TBXT: variants seen among roughly 807,000 people sequenced by gnomAD.
TBXT encodes T brachyury transcription factor.
TBXT carries 19 observed loss-of-function variants against 41.1 expected under a neutral mutation model. The ratio of observed to expected loss-of-function variants is 0.46; its 90% CI spans 0.32 to 0.68. The LOEUF is 0.68. TBXT is among the 30% of genes least tolerant of loss of function. TBXT has a pLI of 0.03. For missense variants in TBXT, 536 were observed against 582.0 expected (o/e 0.92, Z 0.81); for synonymous variants, 213 against 238.9 (o/e 0.89, Z 1.00).
chr6:166,166,402 C>T (rs1012179412), intron 2 of TBXT, among the ~76,000 whole-genome samples, 190 bp downstream of exon 2: 3 of 152,228 alleles, frequency 2.0e-5, no homozygotes, highest in African/African-American at 7.2e-5. Context: ...GCTCCCCGTT[C>T]GCCAGGCGTG....
chr6:166,166,909 G>A (rs924787585), intron 1 of TBXT, 53 bp from the exon 2 acceptor site: 7 of 1,610,676 alleles, frequency 4.3e-6, no homozygotes, highest in Non-Finnish European at 5.9e-6. Context: ...CAGGTAGGCC[G>A]GAGGCAGAAG....
chr6:166,159,439 G>A (rs906483095), intron 7 of TBXT, among the ~76,000 whole-genome samples: 3 of 152,120 alleles, frequency 2.0e-5, no homozygotes, highest in African/African-American at 7.2e-5. Flanking sequence ...GTACATAGGT[G>A]TGCTAGCATG....
Position 166,165,802 on chromosome 6 carries a change from G to C in TBXT, c.510C>G (p.Ile170Met). The change falls in exon 3 of 8, where the codon ATC becomes ATG. Residue 170 changes from isoleucine to methionine, a missense_variant. Coordinates refer to ENST00000366876, the MANE Select transcript of TBXT (RefSeq NM_001366285.2). ...LNSLHKYEPR[I>M]HIVRVGGPQR... Reference sequence around the variant, plus strand: ...GTGGACCCCCAACTCTCACTATGTGGATTCGAGGCTCATACTTATGCAAGG... The same window carrying C: ...GTGGACCCCCAACTCTCACTATGTGCATTCGAGGCTCATACTTATGCAAGG... 2 of 1,614,196 alleles carry C rather than the reference G, an allele frequency of 1.2e-6. No individual in the cohort carries two copies. Among genetic ancestry groups the C allele is most frequent in the Non-Finnish European group, 1.7e-6 (2 of 1,180,032 alleles).
rs986764496 is a variant in TBXT, at chr6:166,166,455, G to A, written c.471+137C>T. 20 of 1,369,380 alleles carry A rather than the reference G, an allele frequency of 1.5e-5. No individual in the cohort carries two copies. The African/African-American group carries it at 2.6e-4, about 18-fold the overall frequency. 84.8% of individuals were successfully genotyped at this position (1,369,380 alleles called of 1,614,324 possible). On this transcript the variant is annotated intron_variant, in intron 2 of 7. Coordinates refer to ENST00000366876, the MANE Select transcript of TBXT (RefSeq NM_001366285.2). ...ATAAACAGCGCTAAAGGCCTTATTA[G>A]AGAAGGCTGTGGCAGTTTCTCCAGG...
intron 3 of TBXT, 22 bp downstream of exon 3, chr6:166,165,684 G>T: frequency 6.8e-6 from 11 of 1,613,438 alleles, no homozygotes; most frequent in Non-Finnish European, 9.3e-6. Flanking sequence ...CCGGGAAAGC[G>T]ATCCGCCTCT....
chr6:166,161,563 G>T (rs757360909), intron 6 of TBXT, among the ~76,000 whole-genome samples: 23 of 152,228 alleles, frequency 1.5e-4, no homozygotes, highest in Non-Finnish European at 2.8e-4. Context: ...TAGGCCAGGG[G>T]ATCTTTATGG....
chr6:166,168,255 G>C (rs1471257733), upstream of TBXT: 2 of 148,318 alleles, frequency 1.3e-5, no homozygotes, highest in Non-Finnish European at 3.0e-5. Context: ...ATTCCCGCGC[G>C]GGGTCCTCCT....
In TBXT at chr6:166,167,365, G is replaced by A; in HGVS notation, c.206+21C>T. The stretch of plus-strand genomic sequence containing the variant: ...AGGCGCTGGAGAGCGCGGCGCGCGC[G>A]GGCTCCGGACGCGCACCCACCTGCC... On this transcript the variant is annotated intron_variant, in intron 1 of 7. Coordinates refer to ENST00000366876, the MANE Select transcript of TBXT (RefSeq NM_001366285.2). 4 of 1,611,448 alleles carry A rather than the reference G, an allele frequency of 2.5e-6. 1 individual carries two copies. Among genetic ancestry groups the A allele is most frequent in the East Asian group, 4.5e-5 (2 of 44,848 alleles).
intron 3 of TBXT, 41 bp downstream of exon 3, chr6:166,165,650 AGCAGCACACCACACC>A (rs1314270141): frequency 4.3e-6 from 7 of 1,612,186 alleles, no homozygotes; most frequent in Non-Finnish European, 5.9e-6. Flanking sequence ...ATCTCCACGG[AGCAGCACACCACACC>A]GCAGCACACC....
At chr6:166,164,390 CCCAGGAGAGTAT>C (rs1388306669) in intron 5 of TBXT, among the ~76,000 whole-genome samples, 1 of 152,222 alleles carries the variant, frequency 6.6e-6, no homozygotes, top group African/African-American at 2.4e-5. Flanking sequence ...AACAAAAGCA[CCCAGGAGAGTAT>C]CCACAGCCCC....
chr6:166,167,516 T>C lies in TBXT; in HGVS notation c.76A>G (p.Asn26Asp), dbSNP rs1458232438. The change falls in exon 1 of 8, where the codon AAT becomes GAT. Residue 26 changes from asparagine to aspartate, a missense_variant. Physicochemically the swap from Asn to Asp is conservative, Grantham distance 23. Transcript: ENST00000366876. ...RVDHLLSAVE[N>D]ELQAGSEKGD... ...TTCTCGCTGCCCGCCTGCAGCTCAT[T>C]CTCCACGGCGCTCAGCAGGTGGTCC... 5 of 1,605,474 alleles carry C rather than the reference T, an allele frequency of 3.1e-6. No individual in the cohort carries two copies. The Admixed American group carries it at 8.4e-5, about 27-fold the overall frequency.
intron 5 of TBXT, 65 bp downstream of exon 5, chr6:166,164,540 C>T (rs1177717445): frequency 3.1e-6 from 5 of 1,590,208 alleles, no homozygotes; most frequent in Admixed American, 1.7e-5. Flanking sequence ...ATCTCCACTT[C>T]CCAGCTCTCA....
At chr6:166,167,929 C>T (rs950856809), upstream of TBXT, 1 of 411,338 alleles carries the variant, frequency 2.4e-6, no homozygotes, top group Admixed American at 3.8e-5. Context: ...TTGGGCCGCG[C>T]ACGCTTTGAA....
At chr6:166,165,954 T>C (rs1206479151) in intron 2 of TBXT, 114 bp from the exon 3 acceptor site, 15 of 1,517,540 alleles carry the variant, frequency 9.9e-6, no homozygotes, top group African/African-American at 1.4e-5. Context: ...GTGTCTCTGC[T>C]GTTGAGGGAA....
chr6:166,161,063 C>G, intron 6 of TBXT, 97 bp from the exon 7 acceptor site: 1 of 1,501,204 alleles, frequency 6.7e-7, no homozygotes. Context: ...CTACGTAACA[C>G]TGAAAACAAA....
chr6:166,167,289 G>A, intron 1 of TBXT, 97 bp downstream of exon 1: 1 of 1,398,762 alleles, frequency 7.1e-7, no homozygotes, highest in Non-Finnish European at 9.9e-7. Flanking sequence ...CCCTCCTCCA[G>A]GAGAAAAAGG....
chr6:166,159,277 C>T (rs1229589328), intron 7 of TBXT, among the ~76,000 whole-genome samples: 1 of 152,204 alleles, frequency 6.6e-6, no homozygotes, highest in Non-Finnish European at 1.5e-5. Context: ...TGAGGATGGG[C>T]TTAAGTACAC....
At chr6:166,168,404 T>A (rs1211992990), upstream of TBXT, 4 of 152,202 alleles carry the variant, frequency 2.6e-5, no homozygotes, top group Admixed American at 2.6e-4. Context: ...TGCGCCGCGC[T>A]CGTCTCGCCG....
intron 3 of TBXT, among the ~76,000 whole-genome samples, chr6:166,165,071 T>A (rs902221901): frequency 6.6e-5 from 10 of 152,232 alleles, no homozygotes; most frequent in Non-Finnish European, 1.2e-4. Context: ...ATGTCAATGT[T>A]CTGAGTGGGA....
Sources: gnomAD v4.1 joint callset for allele counts (sites outside exome capture counted in the v4.1 genomes callset) on GRCh38, gnomAD v4.1.1 for gene constraint, MANE v1.5 for transcripts, NCBI Gene and HGNC (gene_info 2026-07-23, HGNC 2026-07-21) for gene names.